The following CLIC4 variants were observed in gnomAD, a reference collection of about 807,000 sequenced individuals.
CLIC4 encodes the protein chloride intracellular channel protein 4.
In CLIC4, 13 loss-of-function variants were observed where a neutral mutation model predicts 24.6. That is an observed-to-expected ratio of 0.53 (90% confidence interval 0.34 to 0.84). CLIC4 has a LOEUF of 0.84. Ranked by LOEUF, CLIC4 falls within the 40% of genes least tolerant of loss-of-function variation. The pLI is 0.01. For missense variants in CLIC4, 227 were observed against 301.7 expected, an observed-to-expected ratio of 0.75 and a Z score of 1.83; for synonymous variants, 104 against 111.3, an observed-to-expected ratio of 0.93 and a Z score of 0.41.
intron 4 of CLIC4, among the ~76,000 whole-genome samples, chr1:24,827,982 T>C (rs755486381): frequency 6.6e-6 from 1 of 152,218 alleles, no homozygotes; most frequent in Non-Finnish European, 1.5e-5. Context: ...TCTAAAAATA[T>C]TTATCATAGT....
intron 1 of CLIC4, among the ~76,000 whole-genome samples, chr1:24,747,405 G>C (rs1350450308): frequency 6.6e-6 from 1 of 151,218 alleles, no homozygotes; most frequent in Non-Finnish European, 1.5e-5. Flanking sequence ...GTGGTGGCGC[G>C]TGCCTGTAGT....
At chr1:24,795,651 A>G (rs1278054969) in intron 1 of CLIC4, among the ~76,000 whole-genome samples, 1 of 152,130 alleles carries the variant, frequency 6.6e-6, no homozygotes, top group Non-Finnish European at 1.5e-5. Context: ...GCTCACCGCA[A>G]CCTCCACCTC....
chr1:24,782,979 CA>C (rs1374486214), intron 1 of CLIC4, among the ~76,000 whole-genome samples: 1 of 151,196 alleles, frequency 6.6e-6, no homozygotes, highest in East Asian at 1.9e-4. Context: ...GACCCTGTCT[CA>C]AAAAAAACCC....
intron 1 of CLIC4, among the ~76,000 whole-genome samples, chr1:24,766,749 G>A (rs564127103): frequency 1.7e-4 from 26 of 150,036 alleles, no homozygotes; most frequent in African/African-American, 5.1e-4. Context: ...GAAGTGATCC[G>A]CCCACCTTGC....
chr1:24,764,289 G>A (rs1006876248), intron 1 of CLIC4, among the ~76,000 whole-genome samples: 3 of 151,948 alleles, frequency 2.0e-5, no homozygotes, highest in Non-Finnish European at 4.4e-5. Flanking sequence ...TAGTAGAGAC[G>A]GGGTTTCTCC....
At chr1:24,800,349 G>T (rs1206005697) in intron 2 of CLIC4, among the ~76,000 whole-genome samples, 2 of 131,738 alleles carry the variant, frequency 1.5e-5, no homozygotes, top group Non-Finnish European at 1.7e-5. Context: ...GAGGTGGGGG[G>T]GTCAGCCCCC....
chr1:24,827,168 A>C, intron 4 of CLIC4, 52 bp downstream of exon 4: 5 of 1,079,620 alleles, frequency 4.6e-6, no homozygotes, highest in African/African-American at 1.6e-5. Flanking sequence ...CCAAACAACA[A>C]CAGGCTGTTA....
At position 24,833,836 on chromosome 1, in the gene CLIC4, C is replaced by CCA. The variant is rs1463346313; in HGVS notation, c.416-6023_416-6022insAC. ...CGGGGCGGCTGGCCGACCCCCCCCC[C>CCA]CCCCCCCCGCCTCCCTCCCGGACGG... On this transcript the variant is annotated intron_variant, in intron 4 of 5. Transcript: ENST00000374379. 3.5e-4 allele frequency among the ~76,000 whole-genome samples: 8 copies of CCA among 22,926 alleles called. 2 individuals carry two copies. The highest frequency in any genetic ancestry group is 2.6e-3 in the African/African-American group (8 of 3,046). The allele number at this position is 22,926 out of a possible 152,430, so 15.0% of individuals were successfully genotyped here.
At chr1:24,769,810 A>G (rs143682892) in intron 1 of CLIC4, among the ~76,000 whole-genome samples, 2 of 152,200 alleles carry the variant, frequency 1.3e-5, no homozygotes, top group South Asian at 2.1e-4. Flanking sequence ...AGTATTTTAT[A>G]AAGCACTTTA....
At chr1:24,776,259 TC>T (rs1457633080) in intron 1 of CLIC4, among the ~76,000 whole-genome samples, 1 of 152,190 alleles carries the variant, frequency 6.6e-6, no homozygotes, top group Non-Finnish European at 1.5e-5. Flanking sequence ...GCTTTTAAAG[TC>T]AGCAGAACTG....
intron 1 of CLIC4, among the ~76,000 whole-genome samples, chr1:24,764,597 T>C (rs1422816384): frequency 6.6e-6 from 1 of 151,468 alleles, no homozygotes; most frequent in African/African-American, 2.4e-5. Flanking sequence ...AAGTTTGCAG[T>C]GAGCCAAGAT....
At chr1:24,786,448 G>A (rs1053825773) in intron 1 of CLIC4, among the ~76,000 whole-genome samples, 1 of 152,214 alleles carries the variant, frequency 6.6e-6, no homozygotes, top group African/African-American at 2.4e-5. Flanking sequence ...GTGAAGGGAA[G>A]AGGGTGAGGC....
intron 4 of CLIC4, among the ~76,000 whole-genome samples, chr1:24,827,882 G>C (rs1038718900): frequency 6.6e-6 from 1 of 151,976 alleles, no homozygotes; most frequent in Non-Finnish European, 1.5e-5. Context: ...TTTTCTCTTC[G>C]GGATGTTAAG....
At chr1:24,751,247 T>G (rs1268602631) in intron 1 of CLIC4, among the ~76,000 whole-genome samples, 1 of 143,352 alleles carries the variant, frequency 7.0e-6, no homozygotes, top group Admixed American at 7.5e-5. Flanking sequence ...TCTTGCACTG[T>G]TACCCGGGCT....
At chr1:24,756,407 CT>C (rs1638850712) in intron 1 of CLIC4, among the ~76,000 whole-genome samples, 1 of 152,166 alleles carries the variant, frequency 6.6e-6, no homozygotes, top group African/African-American at 2.4e-5. Flanking sequence ...GGTTTCTTTG[CT>C]TTTCTTGAAG....
chr1:24,772,242 ATTC>A (rs550201999), intron 1 of CLIC4, among the ~76,000 whole-genome samples: 40 of 152,116 alleles, frequency 2.6e-4, no homozygotes, highest in Admixed American at 1.7e-3. Flanking sequence ...ACACAGAACC[ATTC>A]TTCTTCTTCT....
intron 1 of CLIC4, among the ~76,000 whole-genome samples, chr1:24,760,443 C>T (rs1638913680): frequency 6.6e-6 from 1 of 152,084 alleles, no homozygotes. Context: ...GATACAAAGT[C>T]TTTGATCTGG....
At chr1:24,820,067 G>GTGTATATATATA (rs1212033050) in intron 3 of CLIC4, among the ~76,000 whole-genome samples, 4,178 of 36,306 alleles carry the variant, frequency 0.12, 1,024 homozygotes, top group Admixed American at 0.19. Context: ...AAAAAAGTAT[G>GTGTATATATATA]TATATATATA....
At chr1:24,839,714 A>AG (rs1385295822) in intron 4 of CLIC4, 146 bp from the exon 5 acceptor site, 1 of 641,828 alleles carries the variant, frequency 1.6e-6, no homozygotes, top group African/African-American at 1.8e-5. Context: ...CTAGGAGAGC[A>AG]GGAGCCTTGT....
Sources: allele counts gnomAD v4.1 joint callset (sites outside exome capture counted in the v4.1 genomes callset), GRCh38; gene constraint gnomAD v4.1.1; transcripts MANE v1.5; gene names NCBI Gene and HGNC (gene_info 2026-07-23, HGNC 2026-07-21).